Variants in C1orf21 observed in about 807,000 individuals in gnomAD.
C1orf21 encodes chromosome 1 open reading frame 21.
C1orf21 carries 3 observed loss-of-function variants against 18.7 expected under a neutral mutation model. That is an observed-to-expected ratio of 0.16 (90% CI 0.07 to 0.42). The LOEUF is 0.42. Ranked by LOEUF, C1orf21 falls within the 10% of genes least tolerant of loss-of-function variation. C1orf21 has a pLI of 0.99. For missense variants in C1orf21, 104 were observed against 143.6 expected, an observed-to-expected ratio of 0.72 and a Z score of 1.41; for synonymous variants, 41 against 46.4, an observed-to-expected ratio of 0.88 and a Z score of 0.47.
intron 5 of C1orf21, among the ~76,000 whole-genome samples, chr1:184,599,782 C>T (rs944581420): frequency 1.3e-5 from 2 of 152,222 alleles, no homozygotes; most frequent in South Asian, 2.1e-4. Context: ...ATCCCTAAAT[C>T]GAAATCCAAA....
At chr1:184,509,593 C>T (rs1365709608) in intron 3 of C1orf21, among the ~76,000 whole-genome samples, 1 of 152,140 alleles carries the variant, frequency 6.6e-6, no homozygotes, top group Admixed American at 6.5e-5. Flanking sequence ...CTTTGGGGAA[C>T]ATAATCAAGT....
chr1:184,510,863 G>A (rs1252145393), intron 3 of C1orf21, among the ~76,000 whole-genome samples: 1 of 152,184 alleles, frequency 6.6e-6, no homozygotes, highest in Non-Finnish European at 1.5e-5. Context: ...TTTGGTTGGG[G>A]AACCAAAATG....
intron 3 of C1orf21, among the ~76,000 whole-genome samples, chr1:184,575,170 C>T (rs913443116): frequency 1.3e-5 from 2 of 152,220 alleles, no homozygotes; most frequent in East Asian, 1.9e-4. Context: ...TGCTAAATAC[C>T]GTATTTCAAT....
At chr1:184,422,849 C>T (rs1034837067) in intron 1 of C1orf21, among the ~76,000 whole-genome samples, 4 of 152,202 alleles carry the variant, frequency 2.6e-5, no homozygotes, top group Non-Finnish European at 5.9e-5. Context: ...CAGAACTTGT[C>T]CCCCAATGGC....
intron 1 of C1orf21, among the ~76,000 whole-genome samples, chr1:184,463,774 T>C (rs1048291118): frequency 6.6e-6 from 1 of 152,154 alleles, no homozygotes; most frequent in African/African-American, 2.4e-5. Flanking sequence ...GTGGGCCAGG[T>C]TGGACTGAGA....
chr1:184,516,258 A>G (rs1658222514), intron 3 of C1orf21, among the ~76,000 whole-genome samples: 1 of 152,046 alleles, frequency 6.6e-6, no homozygotes, highest in South Asian at 2.1e-4. Context: ...ACACCCTTTC[A>G]CAGTCATCAA....
chr1:184,628,213 C>T lies in C1orf21; in HGVS notation c.*8657C>T, dbSNP rs774601325. 6.6e-6 allele frequency: 1 copy of T among 152,168 alleles called. No individual in the cohort carries two copies. 9.4% of individuals were successfully genotyped at this position (152,168 alleles called of 1,614,324 possible). On this transcript the variant is annotated 3_prime_UTR_variant, in exon 6 of 6. Transcript: ENST00000235307. ...CAAAGCAGTGGGCCCCCATCTGTTTCAATTACACATGCCTGTCAGCAAAAA... is the reference window on the plus strand; with the variant it reads ...CAAAGCAGTGGGCCCCCATCTGTTTTAATTACACATGCCTGTCAGCAAAAA...
chr1:184,521,177 C>T (rs1658301176), intron 3 of C1orf21, among the ~76,000 whole-genome samples: 1 of 152,174 alleles, frequency 6.6e-6, no homozygotes. Flanking sequence ...GAGCCACTCA[C>T]TGCACCCGGC....
intron 3 of C1orf21, among the ~76,000 whole-genome samples, chr1:184,536,485 C>CT (rs978024535): frequency 2.6e-5 from 4 of 152,148 alleles, no homozygotes; most frequent in African/African-American, 9.7e-5. Flanking sequence ...ACTCATACCC[C>CT]TTTGACCAGA....
rs1013925439 is a variant in C1orf21 at position 184,628,131 on chromosome 1, AGT to A, written c.*8579_*8580del. On this transcript the variant is annotated 3_prime_UTR_variant, in exon 6 of 6. Coordinates refer to ENST00000235307, the MANE Select transcript of C1orf21 (RefSeq NM_030806.4). Reference sequence around the variant, plus strand: ...ACACCTGCAGAGGCTTCCTCAGGTGAGTGTGGGAGCCCGGAAGGGTGGCCTCC... The same window carrying A: ...ACACCTGCAGAGGCTTCCTCAGGTGAGTGGGAGCCCGGAAGGGTGGCCTCC... 1.3e-5 allele frequency: 2 copies of A among 152,162 alleles called. No individual in the cohort carries two copies. Among genetic ancestry groups the A allele is most frequent in the African/African-American group, 4.8e-5 (2 of 41,428 alleles). 9.4% of individuals were successfully genotyped at this position (152,162 alleles called of 1,614,324 possible).
intron 4 of C1orf21, among the ~76,000 whole-genome samples, chr1:184,594,287 CTAG>C (rs1442824807): frequency 6.6e-6 from 1 of 152,122 alleles, no homozygotes; most frequent in Non-Finnish European, 1.5e-5. Context: ...AGGAACCCAC[CTAG>C]TAATTTAATT....
intron 3 of C1orf21, among the ~76,000 whole-genome samples, chr1:184,534,733 T>TG (rs1027096057): frequency 6.6e-6 from 1 of 152,092 alleles, no homozygotes; most frequent in African/African-American, 2.4e-5. Context: ...CGACATAGAA[T>TG]GGGGCACGGG....
chr1:184,438,682 G>A (rs1432336485), intron 1 of C1orf21, among the ~76,000 whole-genome samples: 2 of 152,110 alleles, frequency 1.3e-5, no homozygotes, highest in Non-Finnish European at 2.9e-5. Context: ...CTGATAGATC[G>A]CCTTCCTCAC....
intron 1 of C1orf21, among the ~76,000 whole-genome samples, chr1:184,453,201 A>G (rs1657149496): frequency 6.6e-6 from 1 of 152,128 alleles, no homozygotes; most frequent in African/African-American, 2.4e-5. Flanking sequence ...ACTGAACCCC[A>G]TTTCCTTCTG....
intron 1 of C1orf21, among the ~76,000 whole-genome samples, chr1:184,474,922 G>A (rs1571375582): frequency 6.6e-6 from 1 of 152,308 alleles, no homozygotes; most frequent in East Asian, 1.9e-4. Flanking sequence ...CAGGGGGATG[G>A]ATGCTGCCCC....
chr1:184,530,812 C>A (rs574114250), intron 3 of C1orf21, among the ~76,000 whole-genome samples: 5 of 152,090 alleles, frequency 3.3e-5, no homozygotes, highest in African/African-American at 9.6e-5. Flanking sequence ...ATCACCCATA[C>A]CCTACTGAAC....
At chr1:184,491,066 A>G (rs1034270355) in intron 2 of C1orf21, among the ~76,000 whole-genome samples, 8 of 152,208 alleles carry the variant, frequency 5.3e-5, no homozygotes, top group African/African-American at 1.9e-4. Context: ...AACCTACCTC[A>G]TAAGATGCTA....
chr1:184,536,574 A>C (rs1658556847), intron 3 of C1orf21, among the ~76,000 whole-genome samples: 1 of 152,178 alleles, frequency 6.6e-6, no homozygotes, highest in African/African-American at 2.4e-5. Flanking sequence ...TGTCATGTAC[A>C]ACTGCGATGT....
chr1:184,423,173 T>C (rs1368035496), intron 1 of C1orf21, among the ~76,000 whole-genome samples: 1 of 152,240 alleles, frequency 6.6e-6, no homozygotes, highest in Non-Finnish European at 1.5e-5. Context: ...TTATTATTGC[T>C]GAATAACTGC....
Sources: allele counts gnomAD v4.1 joint callset (sites outside exome capture counted in the v4.1 genomes callset), GRCh38; gene constraint gnomAD v4.1.1; transcripts MANE v1.5; gene names NCBI Gene and HGNC (gene_info 2026-07-23, HGNC 2026-07-21).